Variants in CHN2 observed in about 807,000 individuals in gnomAD.
CHN2 encodes the protein beta-chimaerin.
A neutral mutation model predicts 56.3 loss-of-function variants in CHN2; 35 were observed. That is an observed-to-expected ratio of 0.62 (90% CI 0.47 to 0.82). CHN2 has a LOEUF of 0.82. CHN2 is among the 40% of genes least tolerant of loss of function. The probability of loss-of-function intolerance (pLI) is 0.00; values close to 1 mark genes in which losing one functional copy is unlikely to be tolerated. For missense variants in CHN2, 491 were observed against 580.5 expected (o/e 0.85, Z 1.58); for synonymous variants, 210 against 212.8 (o/e 0.99, Z 0.12).
intron 6 of CHN2, among the ~76,000 whole-genome samples, chr7:29,441,097 T>A (rs573668726): frequency 6.6e-6 from 1 of 152,308 alleles, no homozygotes; most frequent in African/African-American, 2.4e-5. Context: ...GAGGTGATAA[T>A]CAAAGTACAC....
At chr7:29,319,075 T>C (rs187868791) in intron 1 of CHN2, among the ~76,000 whole-genome samples, 5 of 152,284 alleles carry the variant, frequency 3.3e-5, no homozygotes, top group African/African-American at 1.2e-4. Flanking sequence ...AGACGGGAAC[T>C]GAGGGAGAAA....
At chr7:29,221,361 T>C (rs1562842634) in intron 1 of CHN2, among the ~76,000 whole-genome samples, 2 of 152,184 alleles carry the variant, frequency 1.3e-5, no homozygotes, top group Non-Finnish European at 2.9e-5. Context: ...AAAAATCAAG[T>C]CTCTTTATAC....
At chr7:29,206,455 T>G (rs1784525947) in intron 1 of CHN2, among the ~76,000 whole-genome samples, 1 of 152,166 alleles carries the variant, frequency 6.6e-6, no homozygotes, top group South Asian at 2.1e-4. Flanking sequence ...CTAATTTTTG[T>G]ATTTTTAGTA....
intron 2 of CHN2, among the ~76,000 whole-genome samples, chr7:29,158,812 T>C (rs1278402208): frequency 6.6e-6 from 1 of 152,226 alleles, no homozygotes; most frequent in Non-Finnish European, 1.5e-5. Flanking sequence ...TTTAAATATT[T>C]ACAGATGCTT....
At chr7:29,147,362 G>C (rs1462939317) in intron 2 of CHN2, 3 of 169,674 alleles carry the variant, frequency 1.8e-5, no homozygotes, top group African/African-American at 7.1e-5. Context: ...AGCTGCAGGA[G>C]TGAGCCCAGG....
At chr7:29,450,324 G>T (rs1316416644) in intron 6 of CHN2, among the ~76,000 whole-genome samples, 1 of 152,156 alleles carries the variant, frequency 6.6e-6, no homozygotes, top group African/African-American at 2.4e-5. Flanking sequence ...CCTTACCTTG[G>T]CAAAAAGGTT....
intron 1 of CHN2, chr7:29,195,340 G>A (rs1157650005): frequency 1.1e-5 from 3 of 277,866 alleles, no homozygotes; most frequent in Non-Finnish European, 2.0e-5. Flanking sequence ...AGGTTGGGGT[G>A]AAGCAGAGCG....
chr7:29,147,086 G>A (rs1206075368), intron 2 of CHN2: 4 of 1,316,004 alleles, frequency 3.0e-6, no homozygotes, highest in Non-Finnish European at 4.1e-6. Context: ...CACAAACTAA[G>A]TGAGGTTAAG....
intron 1 of CHN2, among the ~76,000 whole-genome samples, chr7:29,242,139 G>T (rs1052430141): frequency 6.6e-6 from 1 of 152,032 alleles, no homozygotes; most frequent in Admixed American, 6.5e-5. Flanking sequence ...GTAGTTAAGC[G>T]ACTTGCCCAA....
Position 29,473,970 on chromosome 7 carries a change from C to CA in CHN2, c.577-6300dup, listed in dbSNP as rs150796422. Among the ~76,000 whole-genome samples the CA allele has an allele frequency of 3.7e-3, 560 of 151,232 alleles. 1 individual carries two copies. Among genetic ancestry groups the CA allele is most frequent in the Non-Finnish European group, 6.7e-3 (457 of 67,720 alleles). ...AAGAACATAGTCATTGTAGGAAACTCAAAAAAAAATGCAAAGAATATAGAA... is the reference window on the plus strand; with the variant it reads ...AAGAACATAGTCATTGTAGGAAACTCAAAAAAAAAATGCAAAGAATATAGAA... On this transcript the variant is annotated intron_variant, in intron 6 of 12. Transcript: ENST00000222792.
intron 1 of CHN2, among the ~76,000 whole-genome samples, chr7:29,209,964 A>G (rs557469547): frequency 1.3e-5 from 2 of 152,136 alleles, no homozygotes; most frequent in African/African-American, 4.8e-5. Context: ...ACGTGACCTA[A>G]GTCTATGGTA....
At chr7:29,377,836 G>T (rs924488716) in intron 3 of CHN2, among the ~76,000 whole-genome samples, 1 of 152,196 alleles carries the variant, frequency 6.6e-6, no homozygotes, top group Non-Finnish European at 1.5e-5. Flanking sequence ...CTGCTTCAAC[G>T]ATAGTATCTT....
intron 1 of CHN2, among the ~76,000 whole-genome samples, chr7:29,206,877 T>G (rs1425441571): frequency 6.6e-6 from 1 of 152,204 alleles, no homozygotes; most frequent in Non-Finnish European, 1.5e-5. Context: ...TCCACGCATA[T>G]GGAACACTCA....
chr7:29,173,949 CAA>C (rs74313059), intron 2 of CHN2, among the ~76,000 whole-genome samples: 14 of 115,660 alleles, frequency 1.2e-4, no homozygotes, highest in Non-Finnish European at 9.2e-5. Context: ...GAGACTGACT[CAA>C]AAAAAAAAAA....
intron 6 of CHN2, among the ~76,000 whole-genome samples, chr7:29,439,538 T>G (rs925275168): frequency 2.0e-5 from 3 of 152,168 alleles, no homozygotes; most frequent in Admixed American, 1.3e-4. Context: ...AAGAAGGTCT[T>G]CTTCAGCTGA....
intron 6 of CHN2, chr7:29,401,031 G>A (rs1802159663): frequency 3.5e-6 from 2 of 572,970 alleles, no homozygotes; most frequent in African/African-American, 3.8e-5. Flanking sequence ...CTCTTTGGGA[G>A]GCCGAGGCAG....
intron 1 of CHN2, among the ~76,000 whole-genome samples, chr7:29,208,117 T>C (rs530707589): frequency 3.9e-5 from 6 of 152,202 alleles, no homozygotes; most frequent in Non-Finnish European, 8.8e-5. Context: ...AGATAAACTT[T>C]CTGTTAATTG....
At chr7:29,200,484 CT>C (rs1784075696) in intron 1 of CHN2, among the ~76,000 whole-genome samples, 1 of 142,876 alleles carries the variant, frequency 7.0e-6, no homozygotes. Context: ...TTCCCCCCCC[CT>C]TTTGTCTCTT....
chr7:29,381,839 A>C (rs983379853), intron 3 of CHN2, among the ~76,000 whole-genome samples: 27 of 142,666 alleles, frequency 1.9e-4, no homozygotes, highest in African/African-American at 5.9e-4. Context: ...AAAAAAAAGC[A>C]GGGCCTAGGA....
Sources: gnomAD v4.1 joint callset for allele counts (sites outside exome capture counted in the v4.1 genomes callset) on GRCh38, gnomAD v4.1.1 for gene constraint, MANE v1.5 for transcripts, NCBI Gene and HGNC (gene_info 2026-07-23, HGNC 2026-07-21) for gene names.